TMEM67: variants seen among roughly 807,000 people sequenced by gnomAD.
The protein encoded by TMEM67 is meckelin.
A neutral mutation model predicts 136.6 loss-of-function variants in TMEM67; 124 were observed. That is an observed-to-expected ratio of 0.91 (90% CI 0.78 to 1.05). The LOEUF (loss-of-function observed/expected upper bound fraction) is 1.05. TMEM67 is among the 50% of genes least tolerant of loss of function. TMEM67 has a pLI of 0.00. For missense variants in TMEM67, 1,107 were observed against 1,178.4 expected (o/e 0.94, Z 0.89); for synonymous variants, 364 against 390.5 (o/e 0.93, Z 0.80).
chr8:93,782,564 A>AT, intron 11 of TMEM67, 104 bp downstream of exon 11: 4 of 583,200 alleles, frequency 6.9e-6, no homozygotes, highest in Non-Finnish European at 5.5e-6. Flanking sequence ...GAAATTTTTT[A>AT]TTCTTGGTTT....
intron 3 of TMEM67, chr8:93,758,811 C>T (rs1563675628): frequency 4.2e-6 from 2 of 477,964 alleles, no homozygotes; most frequent in Non-Finnish European, 7.5e-6. Flanking sequence ...GTTGCTCAGC[C>T]TGGTCTTGAA....
intron 6 of TMEM67, among the ~76,000 whole-genome samples, chr8:93,771,263 A>ATTT (rs1813320500): frequency 2.0e-5 from 3 of 149,708 alleles, no homozygotes; most frequent in African/African-American, 7.5e-5. Context: ...TTTTTTTTTA[A>ATTT]AAAAAAGCTT....
chr8:93,831,709 T>C, the TMEM67 span, among the ~76,000 whole-genome samples: 5 of 152,008 alleles, frequency 3.3e-5, no homozygotes, highest in Non-Finnish European at 7.4e-5. Context: ...TGTTTGTGCT[T>C]GTGTGCCTGT....
chr8:93,781,584 A>T, intron 9 of TMEM67, 74 bp from the exon 10 acceptor site: 1 of 634,818 alleles, frequency 1.6e-6, no homozygotes, highest in Non-Finnish European at 2.7e-6. Flanking sequence ...TCAGTCAACA[A>T]TGAAAATTTC....
At chr8:93,829,648 T>TA in the TMEM67 span, among the ~76,000 whole-genome samples, 1 of 152,220 alleles carries the variant, frequency 6.6e-6, no homozygotes, top group African/African-American at 2.4e-5. Flanking sequence ...GACTTTTTTT[T>TA]AACTTTCTGA....
Position 93,790,318 on chromosome 8 carries a change from C to T in TMEM67, c.1519-945C>T, listed in dbSNP as rs75149013. Among the ~76,000 whole-genome samples the T allele has an allele frequency of 4.3e-3, 660 of 152,244 alleles. 7 individuals are homozygous for T. Among genetic ancestry groups the T allele is most frequent in the African/African-American group, 0.015 (610 of 41,538 alleles). ...TCAGAATCTCTGATTCATTGTCCTT[C>T]CCATTTCTTGTTCCTGTTTCTAAGA... On this transcript the variant is annotated intron_variant, in intron 14 of 27. Coordinates refer to ENST00000453321, the MANE Select transcript of TMEM67 (RefSeq NM_153704.6).
chr8:93,783,355 T>C (rs1016222696), intron 11 of TMEM67, among the ~76,000 whole-genome samples: 2 of 152,174 alleles, frequency 1.3e-5, no homozygotes, highest in African/African-American at 4.8e-5. Flanking sequence ...GGCTTATAGG[T>C]CTTAAAAAGT....
intron 3 of TMEM67, among the ~76,000 whole-genome samples, chr8:93,761,274 G>A (rs1812818890): frequency 6.6e-6 from 1 of 152,128 alleles, no homozygotes; most frequent in South Asian, 2.1e-4. Flanking sequence ...ACTCCAGCCT[G>A]GGCAACAAGA....
At chr8:93,784,890 A>G (rs1438096556) in intron 11 of TMEM67, among the ~76,000 whole-genome samples, 2 of 152,134 alleles carry the variant, frequency 1.3e-5, no homozygotes, top group African/African-American at 4.8e-5. Flanking sequence ...GTAGTTTTAA[A>G]CCTTTTCACT....
chr8:93,792,225 G>A (rs1814411187), intron 15 of TMEM67, among the ~76,000 whole-genome samples: 1 of 151,588 alleles, frequency 6.6e-6, no homozygotes, highest in Non-Finnish European at 1.5e-5. Context: ...AGTCTGGAGT[G>A]CAGTGGCGCT....
Position 93,755,153 on chromosome 8 carries a change from G to C in TMEM67, c.223+16G>C, listed in dbSNP as rs753224153. 7 of 1,611,792 alleles carry C rather than the reference G, an allele frequency of 4.3e-6. No individual in the cohort carries two copies. The Admixed American group carries it at 1.2e-4, about 27-fold the overall frequency. On this transcript the variant is annotated intron_variant, in intron 1 of 27. Transcript: ENST00000453321. ...GATGCCCGAGGTAAGACGGTTTGCG[G>C]TGGGCCCTGGCAAAAGTAACACTCC...
In TMEM67 at chr8:93,816,619, T is replaced by C; in HGVS notation, c.*167T>C. The C allele has an allele frequency of 2.1e-6, 1 of 485,280 alleles. No individual in the cohort carries two copies. Among genetic ancestry groups the C allele is most frequent in the Non-Finnish European group, 3.8e-6 (1 of 266,380 alleles). 30.1% of individuals were successfully genotyped at this position (485,280 alleles called of 1,614,324 possible). A position where few individuals can be genotyped will look rare whatever the true frequency, so the allele number is the denominator to read the frequency against. ...TATAACTTGGGAATATATAACCTGATATAATAGAAAATACTGTTTTCCCAT... is the reference window on the plus strand; with the variant it reads ...TATAACTTGGGAATATATAACCTGACATAATAGAAAATACTGTTTTCCCAT... On this transcript the variant is annotated 3_prime_UTR_variant, in exon 28 of 28. Coordinates refer to ENST00000453321, the MANE Select transcript of TMEM67 (RefSeq NM_153704.6).
At chr8:93,767,380 T>C (rs1393028744) in intron 6 of TMEM67, among the ~76,000 whole-genome samples, 5 of 152,226 alleles carry the variant, frequency 3.3e-5, no homozygotes, top group Non-Finnish European at 5.9e-5. Flanking sequence ...AATTGATTAG[T>C]ATTTTGTGAG....
chr8:93,795,517 T>C lies in TMEM67; in HGVS notation c.1773+10T>C, dbSNP rs371485093. 12 of 1,598,622 alleles carry C rather than the reference T, an allele frequency of 7.5e-6. No homozygotes were observed. The African/African-American group carries it at 1.6e-4, about 21-fold the overall frequency. On this transcript the variant is annotated intron_variant, in intron 17 of 27. Transcript: ENST00000453321. ...GCTTATTTTCTTCAAAGTGAGTGAG[T>C]TTCTGAATTTTCCCCAACTGCCAAT...
At chr8:93,787,295 A>T (rs1814155198) in intron 13 of TMEM67, among the ~76,000 whole-genome samples, 1 of 151,496 alleles carries the variant, frequency 6.6e-6, no homozygotes, top group Non-Finnish European at 1.5e-5. Flanking sequence ...TTATCTTGAG[A>T]CGGGGTCTTG....
At chr8:93,824,046 C>G (rs1039033590), downstream of TMEM67, among the ~76,000 whole-genome samples, 3 of 152,322 alleles carry the variant, frequency 2.0e-5, no homozygotes, top group Non-Finnish European at 4.4e-5. Flanking sequence ...AGCTGTTATT[C>G]TGATCTTGTT....
intron 6 of TMEM67, among the ~76,000 whole-genome samples, chr8:93,771,136 G>T (rs1470625015): frequency 6.6e-6 from 1 of 151,880 alleles, no homozygotes; most frequent in Non-Finnish European, 1.5e-5. Context: ...AGCAATTAAT[G>T]AATCTTGCCT....
At position 93,780,918 on chromosome 8, in the gene TMEM67, T is replaced by C; in HGVS notation, c.914T>C (p.Leu305Ser). Residue 305 changes from leucine to serine, a missense_variant, in exon 9 of 28, where the codon TTA becomes TCA. By Grantham distance (145) the Leu-to-Ser change is moderately radical (BLOSUM62 -2). Coordinates refer to ENST00000453321, the MANE Select transcript of TMEM67 (RefSeq NM_153704.6). ...PWLFYGDQLG[L>S]APQVLSSTSL... is the part of the protein sequence containing the mutation. ...CTGTTTTATGGAGACCAGTTAGGAT[T>C]AGCACCTCAAGTGCTCAGTTCTACC... 1 of 1,612,550 alleles carries C rather than the reference T, an allele frequency of 6.2e-7. No homozygotes were observed. The highest frequency in any genetic ancestry group is 8.5e-7 in the Non-Finnish European group (1 of 1,179,878).
At position 93,808,099 on chromosome 8, in the gene TMEM67, A is replaced by G. The variant is rs558244658; in HGVS notation, c.2440-741A>G. ...GCAAGACCTTTCAGCATACATTAAAAGAGCAATAAGGTCAATTATAAAGGA... is the reference window on the plus strand; with the variant it reads ...GCAAGACCTTTCAGCATACATTAAAGGAGCAATAAGGTCAATTATAAAGGA... On this transcript the variant is annotated intron_variant, in intron 23 of 27. Transcript: ENST00000453321. 9.9e-5 allele frequency among the ~76,000 whole-genome samples: 15 copies of G among 151,656 alleles called. No homozygotes were observed. The South Asian group carries it at 3.1e-3, about 31-fold the overall frequency.
Sources: gnomAD v4.1 joint callset for allele counts (sites outside exome capture counted in the v4.1 genomes callset) on GRCh38, gnomAD v4.1.1 for gene constraint, MANE v1.5 for transcripts, NCBI Gene and HGNC (gene_info 2026-07-23, HGNC 2026-07-21) for gene names.